The following TNN variants were observed in gnomAD, a reference collection of about 807,000 sequenced individuals.
TNN encodes the protein tenascin N, also known as tenascin-N.
In TNN, 122 loss-of-function variants were observed where a neutral mutation model predicts 134.4. The ratio of observed to expected loss-of-function variants is 0.91; its 90% CI spans 0.78 to 1.06. The LOEUF (loss-of-function observed/expected upper bound fraction) is 1.06, where lower values mean the gene tolerates loss of function less well. Ranked by LOEUF, TNN falls within the 50% of genes least tolerant of loss-of-function variation. The pLI, the probability that TNN is intolerant of heterozygous loss-of-function variation, is 0.00. For synonymous variants in TNN, 710 were observed against 670.3 expected (o/e 1.06, Z -0.91); for missense variants, 1,739 against 1,699.4 (o/e 1.02, Z -0.41).
At chr1:175,093,586 G>A (rs1674500764) in intron 6 of TNN, among the ~76,000 whole-genome samples, 1 of 152,188 alleles carries the variant, frequency 6.6e-6, no homozygotes, top group African/African-American at 2.4e-5. Flanking sequence ...GCAATGAACA[G>A]GGGAGGTGAT....
At chr1:175,117,730 A>G (rs935987169) in intron 10 of TNN, among the ~76,000 whole-genome samples, 13 of 152,290 alleles carry the variant, frequency 8.5e-5, no homozygotes, top group Admixed American at 7.8e-4. Context: ...TGAAGTAGTG[A>G]TGTTTCTCAG....
chr1:175,141,904 C>T (rs1675952186), intron 17 of TNN, among the ~76,000 whole-genome samples: 1 of 152,144 alleles, frequency 6.6e-6, no homozygotes, highest in African/African-American at 2.4e-5. Context: ...AGAAAAAGAC[C>T]TCCCACATTT....
intron 9 of TNN, among the ~76,000 whole-genome samples, chr1:175,109,342 C>T (rs1307895396): frequency 6.6e-6 from 1 of 151,416 alleles, no homozygotes; most frequent in Non-Finnish European, 1.5e-5. Flanking sequence ...CCCGCCTCGG[C>T]CTCCCAAAGT....
chr1:175,144,263 C>T, intron 17 of TNN, 124 bp from the exon 18 acceptor site: 1 of 878,696 alleles, frequency 1.1e-6, no homozygotes. Flanking sequence ...CGGTGACTAC[C>T]TGTGACATGA....
chr1:175,079,229 A>G, intron 2 of TNN, 104 bp from the exon 3 acceptor site: 2 of 1,324,038 alleles, frequency 1.5e-6, no homozygotes, highest in Non-Finnish European at 2.0e-6. Flanking sequence ...GACCCTTAAG[A>G]GTGGGGCTAA....
At position 175,092,517 on chromosome 1, in the gene TNN, C is replaced by T. The variant is rs933718613; in HGVS notation, c.1325-1473C>T. On this transcript the variant is annotated intron_variant, in intron 6 of 18. Transcript: ENST00000239462. The stretch of plus-strand genomic sequence containing the variant: ...ATTACTGCTGCTGGATTTCATGTCA[C>T]AGTAACCTTTCAGTTCACACTTTAC... Among the ~76,000 whole-genome samples, 10 of 152,320 alleles carry T rather than the reference C, an allele frequency of 6.6e-5. 2 individuals carry two copies. Among genetic ancestry groups the T allele is most frequent in the Admixed American group, 6.5e-4 (10 of 15,306 alleles).
intron 18 of TNN, among the ~76,000 whole-genome samples, chr1:175,145,240 T>C (rs533805823): frequency 6.6e-6 from 1 of 152,192 alleles, no homozygotes; most frequent in South Asian, 2.1e-4. Context: ...TTTCTAGTTG[T>C]TCTCCTAGTT....
At chr1:175,089,622 G>A (rs1421883851) in intron 6 of TNN, among the ~76,000 whole-genome samples, 4 of 152,194 alleles carry the variant, frequency 2.6e-5, no homozygotes, top group South Asian at 2.1e-4. Context: ...GACTAAATGA[G>A]TTTAAAGTCC....
At chr1:175,117,354 C>A in intron 10 of TNN, 149 bp downstream of exon 10, 1 of 1,340,464 alleles carries the variant, frequency 7.5e-7, no homozygotes, top group South Asian at 1.5e-5. Flanking sequence ...CACACACCAT[C>A]CCTCATTTTC....
chr1:175,107,545 A>G (rs1018072447), intron 9 of TNN, among the ~76,000 whole-genome samples: 1 of 147,046 alleles, frequency 6.8e-6, no homozygotes, highest in African/African-American at 2.5e-5. Context: ...TGAGTGTTAC[A>G]GCTCATAAAA....
At chr1:175,098,726 T>A (rs925350165) in intron 9 of TNN, 131 bp downstream of exon 9, 2 of 1,321,340 alleles carry the variant, frequency 1.5e-6, no homozygotes, top group African/African-American at 3.0e-5. Context: ...TAATACATTG[T>A]GTCCCCCTCA....
intron 6 of TNN, among the ~76,000 whole-genome samples, chr1:175,086,101 G>A (rs1379022011): frequency 6.6e-6 from 1 of 152,072 alleles, no homozygotes; most frequent in East Asian, 1.9e-4. Flanking sequence ...TGTTTTTAAG[G>A]CATTTATTAT....
chr1:175,081,667 C>T (rs1397803442), intron 4 of TNN, among the ~76,000 whole-genome samples: 3 of 152,088 alleles, frequency 2.0e-5, no homozygotes, highest in African/African-American at 7.2e-5. Flanking sequence ...AGCTAAAGAC[C>T]CCCAGGAGCA....
At chr1:175,090,326 G>A (rs946381685) in intron 6 of TNN, among the ~76,000 whole-genome samples, 2 of 152,186 alleles carry the variant, frequency 1.3e-5, no homozygotes, top group South Asian at 2.1e-4. Context: ...GGATAATTTT[G>A]TTGCCACAAT....
Position 175,083,738 on chromosome 1 carries a change from C to A in TNN, c.1049-12C>A, listed in dbSNP as rs768431234. 16 of 1,612,540 alleles carry A rather than the reference C, an allele frequency of 9.9e-6. No homozygotes were observed. The highest frequency in any genetic ancestry group is 1.4e-5 in the Non-Finnish European group (16 of 1,179,148). On this transcript the variant is annotated splice_polypyrimidine_tract_variant and intron_variant, in intron 4 of 18. Coordinates refer to ENST00000239462, the MANE Select transcript of TNN (RefSeq NM_022093.2). Reference sequence around the variant, plus strand: ...TCACCACTTTCTCTTGCCTCCGTCACCCCTGCCCTAGACCTTGCTGTGCTT... The same window carrying A: ...TCACCACTTTCTCTTGCCTCCGTCAACCCTGCCCTAGACCTTGCTGTGCTT...
intron 18 of TNN, among the ~76,000 whole-genome samples, chr1:175,146,217 C>T (rs1464598989): frequency 1.3e-5 from 2 of 152,172 alleles, no homozygotes; most frequent in East Asian, 3.8e-4. Context: ...ATATTGGAAA[C>T]GAGCAGCCAG....
intron 3 of TNN, 129 bp downstream of exon 3, chr1:175,079,836 C>G (rs1674157635): frequency 2.3e-6 from 3 of 1,299,464 alleles, no homozygotes; most frequent in Middle Eastern, 2.7e-4. Flanking sequence ...AGTCCCAACC[C>G]CAGAGTTTCT....
chr1:175,091,701 G>A (rs1268630928), intron 6 of TNN, among the ~76,000 whole-genome samples: 1 of 151,916 alleles, frequency 6.6e-6, no homozygotes, highest in Non-Finnish European at 1.5e-5. Context: ...CCATTCTCGT[G>A]CCTCAGCCTC....
intron 11 of TNN, among the ~76,000 whole-genome samples, chr1:175,119,727 C>T (rs149188041): frequency 0.014 from 2,080 of 151,068 alleles, 61 homozygotes; most frequent in African/African-American, 0.048. Flanking sequence ...CTCCGCCTCC[C>T]GGGTTCATGC....
Sources: gnomAD v4.1 joint callset for allele counts (sites outside exome capture counted in the v4.1 genomes callset) on GRCh38, gnomAD v4.1.1 for gene constraint, MANE v1.5 for transcripts, NCBI Gene and HGNC (gene_info 2026-07-23, HGNC 2026-07-21) for gene names.